Variants in CDH18 observed in about 807,000 individuals in gnomAD.
CDH18 encodes cadherin-18.
CDH18 carries 31 observed loss-of-function variants against 67.9 expected under a neutral mutation model. The observed-to-expected ratio is 0.46, with a 90% CI of 0.34 to 0.62. The LOEUF is 0.62. Ranked by LOEUF, CDH18 falls within the 20% of genes least tolerant of loss-of-function variation. The pLI, the probability that CDH18 is intolerant of heterozygous loss-of-function variation, is 0.01. For missense variants in CDH18, 890 were observed against 975.5 expected (o/e 0.91, Z 1.17); for synonymous variants, 362 against 347.2 (o/e 1.04, Z -0.48).
At chr5:20,266,407 T>A (rs144627508) in intron 1 of CDH18, among the ~76,000 whole-genome samples, 19 of 151,726 alleles carry the variant, frequency 1.3e-4, no homozygotes, top group Middle Eastern at 6.8e-3. Flanking sequence ...AGAAAAAAAG[T>A]ATGTTTGTTT....
chr5:20,053,067 A>G lies in CDH18; in HGVS notation c.-517-61053T>C, dbSNP rs192793234. On this transcript the variant is annotated intron_variant, in intron 2 of 14. Coordinates refer to the CDH18 transcript ENST00000507958. ...TTAAAAAGAGTGAATTTTAGAAAGC[A>G]TGTAAATCTCTAAGAAAAAAGGCTT... Among the ~76,000 whole-genome samples, 164 of 151,954 alleles carry G rather than the reference A, an allele frequency of 1.1e-3. 1 individual carries two copies. The highest frequency in any genetic ancestry group is 3.6e-3 in the African/African-American group (151 of 41,474).
chr5:20,405,736 T>C (rs926693872), intron 1 of CDH18, among the ~76,000 whole-genome samples: 2 of 151,920 alleles, frequency 1.3e-5, no homozygotes. Flanking sequence ...CAAACAAATT[T>C]ACAAGAAAAT....
chr5:19,650,675 C>T (rs934732781), intron 5 of CDH18, among the ~76,000 whole-genome samples: 3 of 151,906 alleles, frequency 2.0e-5, no homozygotes, highest in South Asian at 2.1e-4. Context: ...TACCATACTG[C>T]CATGAAAGAG....
At chr5:19,718,595 A>G (rs905009404) in intron 5 of CDH18, among the ~76,000 whole-genome samples, 1 of 151,924 alleles carries the variant, frequency 6.6e-6, no homozygotes, top group Non-Finnish European at 1.5e-5. Context: ...TTTATACCCT[A>G]CTTAGCACTT....
chr5:19,757,327 C>T (rs1771739453), intron 3 of CDH18, among the ~76,000 whole-genome samples: 2 of 152,176 alleles, frequency 1.3e-5, no homozygotes, highest in Admixed American at 6.5e-5. Flanking sequence ...ATCAACCTGT[C>T]ATCAGGTAGC....
At chr5:20,520,463 T>G (rs2126519307) in intron 1 of CDH18, among the ~76,000 whole-genome samples, 1 of 152,088 alleles carries the variant, frequency 6.6e-6, no homozygotes, top group Admixed American at 6.6e-5. Context: ...TACCACACAC[T>G]TAAGCTCCCA....
chr5:20,482,773 C>G (rs1752906452), intron 1 of CDH18, among the ~76,000 whole-genome samples: 1 of 151,776 alleles, frequency 6.6e-6, no homozygotes, highest in Non-Finnish European at 1.5e-5. Flanking sequence ...AGGAACATAC[C>G]TCAACCAATA....
chr5:19,586,607 A>C (rs532411431), intron 7 of CDH18, among the ~76,000 whole-genome samples: 1 of 152,262 alleles, frequency 6.6e-6, no homozygotes, highest in South Asian at 2.1e-4. Context: ...CTAGTCTATC[A>C]TTGATGAACA....
chr5:20,233,985 T>C (rs1463583873), intron 2 of CDH18, among the ~76,000 whole-genome samples: 2 of 152,136 alleles, frequency 1.3e-5, no homozygotes, highest in Non-Finnish European at 2.9e-5. Flanking sequence ...TTGAGAACTT[T>C]TAGTCTCTCT....
chr5:20,535,215 G>A (rs903226331), intron 1 of CDH18, among the ~76,000 whole-genome samples: 2 of 152,080 alleles, frequency 1.3e-5, no homozygotes, highest in African/African-American at 4.8e-5. Flanking sequence ...GTGGTTGTAG[G>A]ACTGAAGTGC....
chr5:20,172,435 A>C (rs1288081615), intron 2 of CDH18, among the ~76,000 whole-genome samples: 2 of 151,162 alleles, frequency 1.3e-5, no homozygotes, highest in Non-Finnish European at 2.9e-5. Flanking sequence ...TGTGGCTTCC[A>C]CAAGTCGCAA....
intron 6 of CDH18, among the ~76,000 whole-genome samples, chr5:19,607,157 A>AC (rs1748186915): frequency 6.6e-6 from 1 of 151,722 alleles, no homozygotes; most frequent in Non-Finnish European, 1.5e-5. Flanking sequence ...GTCACTAAAA[A>AC]TGGGAAAATA....
chr5:20,225,817 C>G (rs116270351), intron 2 of CDH18, among the ~76,000 whole-genome samples: 1,957 of 152,092 alleles, frequency 0.013, 42 homozygotes, highest in African/African-American at 0.043. Context: ...GAGAAGGGTA[C>G]TTAGATGTGA....
In CDH18 at chr5:19,857,014, G is replaced by T. The variant is rs185539100; in HGVS notation, c.-256-17772C>A. ...GAGGCAGAAGGATCACTTGAGGCCAGGAGTTTGAGACAAGCCAGGGCAACA... is the reference window on the plus strand; with the variant it reads ...GAGGCAGAAGGATCACTTGAGGCCATGAGTTTGAGACAAGCCAGGGCAACA... On this transcript the variant is annotated intron_variant, in intron 2 of 12. Coordinates refer to ENST00000382275, the MANE Select transcript of CDH18 (RefSeq NM_004934.5). Among the ~76,000 whole-genome samples the T allele has an allele frequency of 2.6e-5, 4 of 152,230 alleles. No individual in the cohort carries two copies. In the East Asian group the frequency reaches 7.7e-4, roughly 29 times the overall value.
chr5:20,146,894 T>G (rs1750692185), intron 2 of CDH18, among the ~76,000 whole-genome samples: 1 of 152,038 alleles, frequency 6.6e-6, no homozygotes, highest in Non-Finnish European at 1.5e-5. Flanking sequence ...TTCTACATCT[T>G]AGGCATTATT....
At chr5:19,706,343 C>T (rs1763960571) in intron 5 of CDH18, among the ~76,000 whole-genome samples, 1 of 152,230 alleles carries the variant, frequency 6.6e-6, no homozygotes, top group Non-Finnish European at 1.5e-5. Flanking sequence ...ATGCCAGACA[C>T]TTTCGCAATT....
intron 1 of CDH18, among the ~76,000 whole-genome samples, chr5:20,402,471 C>T (rs1207338196): frequency 6.6e-6 from 1 of 152,084 alleles, no homozygotes; most frequent in Non-Finnish European, 1.5e-5. Flanking sequence ...TACGCAAGGA[C>T]ATCTTAGAGA....
In CDH18 at chr5:20,424,328, T is replaced by C. The variant is rs562601818; in HGVS notation, c.-580+151134A>G. Among the ~76,000 whole-genome samples the C allele has an allele frequency of 5.3e-5, 8 of 151,098 alleles. No individual in the cohort carries two copies. The South Asian group carries it at 1.5e-3, about 27-fold the overall frequency. On this transcript the variant is annotated intron_variant, in intron 1 of 14. Coordinates refer to the CDH18 transcript ENST00000507958. ...TCTGAAACACACAGGCCGTATGTTTTTTCCAACAGCACCATCATATTATCA... is the reference window on the plus strand; with the variant it reads ...TCTGAAACACACAGGCCGTATGTTTCTTCCAACAGCACCATCATATTATCA...
rs372956965 is a variant in CDH18 at position 20,041,238 on chromosome 5, A to G, written c.-517-49224T>C. 1.6e-4 allele frequency among the ~76,000 whole-genome samples: 24 copies of G among 152,334 alleles called. No homozygotes were observed. The East Asian group carries it at 2.5e-3, about 16-fold the overall frequency. On this transcript the variant is annotated intron_variant, in intron 2 of 14. Coordinates refer to the CDH18 transcript ENST00000507958. ...TCATAACACCAATATGCTATATTCT[A>G]TCATTGAATTATCCCTATCATGGCA...
Sources: gnomAD v4.1 joint callset for allele counts (sites outside exome capture counted in the v4.1 genomes callset) on GRCh38, gnomAD v4.1.1 for gene constraint, MANE v1.5 for transcripts, NCBI Gene and HGNC (gene_info 2026-07-23, HGNC 2026-07-21) for gene names.